Variants in CEP112 observed in about 807,000 individuals in gnomAD.
CEP112 encodes the protein centrosomal protein 112.
Under a neutral mutation model 153.0 loss-of-function variants are expected in CEP112, and 127 were observed. That is an observed-to-expected ratio of 0.83 (90% CI 0.72 to 0.96). The LOEUF (loss-of-function observed/expected upper bound fraction) is 0.96, where lower values mean the gene tolerates loss of function less well. Among genes scored for constraint, CEP112 ranks in the 40% least tolerant of loss-of-function variants. CEP112 has a pLI of 0.00. For missense variants in CEP112, 1,089 were observed against 1,101.2 expected (o/e 0.99, Z 0.16); for synonymous variants, 358 against 374.4 (o/e 0.96, Z 0.51).
intron 19 of CEP112, among the ~76,000 whole-genome samples, chr17:65,910,362 A>C (rs773216400): frequency 2.0e-5 from 3 of 152,160 alleles, no homozygotes; most frequent in African/African-American, 4.8e-5. Context: ...TGCCCACGTT[A>C]AGCCCAAGCA....
chr17:65,805,998 A>G (rs2055575915), intron 21 of CEP112, among the ~76,000 whole-genome samples: 1 of 152,188 alleles, frequency 6.6e-6, no homozygotes, highest in Non-Finnish European at 1.5e-5. Flanking sequence ...AAAATATTTT[A>G]TTATTTTGTC....
chr17:65,774,399 A>G (rs893219244), intron 21 of CEP112, among the ~76,000 whole-genome samples: 2 of 152,142 alleles, frequency 1.3e-5, no homozygotes, highest in African/African-American at 4.8e-5. Flanking sequence ...CAGACAGGTC[A>G]GGAGAGGTGA....
intron 21 of CEP112, among the ~76,000 whole-genome samples, chr17:65,800,634 G>C (rs1171247205): frequency 6.6e-6 from 1 of 152,166 alleles, no homozygotes; most frequent in South Asian, 2.1e-4. Flanking sequence ...CCCTAGGAGA[G>C]GAAATGCTGG....
chr17:65,927,705 A>G lies in CEP112; in HGVS notation c.1873-16T>C, dbSNP rs780794797. On this transcript the variant is annotated splice_polypyrimidine_tract_variant and intron_variant, in intron 18 of 26. Transcript: ENST00000535342. Reference sequence around the variant, plus strand: ...CTTTTTCCATCTATAAAATTTAAAAATCAAATATTAATTTTTTAAACAAAC... The same window carrying G: ...CTTTTTCCATCTATAAAATTTAAAAGTCAAATATTAATTTTTTAAACAAAC... 2 of 1,445,526 alleles carry G rather than the reference A, an allele frequency of 1.4e-6. No individual in the cohort carries two copies. Among genetic ancestry groups the G allele is most frequent in the South Asian group, 1.4e-5 (1 of 73,940 alleles). 89.5% of individuals were successfully genotyped at this position (1,445,526 alleles called of 1,614,324 possible).
intron 4 of CEP112, among the ~76,000 whole-genome samples, chr17:66,133,170 T>C (rs1385543100): frequency 6.6e-6 from 1 of 152,154 alleles, no homozygotes; most frequent in Non-Finnish European, 1.5e-5. Flanking sequence ...GTTACATAAA[T>C]GCCACAGACT....
chr17:66,054,420 T>C (rs1040541186), intron 11 of CEP112, among the ~76,000 whole-genome samples: 1 of 152,062 alleles, frequency 6.6e-6, no homozygotes, highest in Non-Finnish European at 1.5e-5. Context: ...ACAATATGGG[T>C]AGGATGACTA....
chr17:65,667,547 AT>A (rs1317310057), intron 24 of CEP112, among the ~76,000 whole-genome samples: 1 of 135,610 alleles, frequency 7.4e-6, no homozygotes. Context: ...TTTTAACAAC[AT>A]TTGTACTCTT....
intron 25 of CEP112, among the ~76,000 whole-genome samples, chr17:65,638,358 T>C (rs909675622): frequency 6.6e-6 from 1 of 152,252 alleles, no homozygotes; most frequent in African/African-American, 2.4e-5. Flanking sequence ...GAGTCAGTGG[T>C]ATTTGATCGT....
chr17:65,713,953 TTCTC>T (rs2049347954), intron 23 of CEP112, among the ~76,000 whole-genome samples: 2 of 152,174 alleles, frequency 1.3e-5, no homozygotes, highest in Non-Finnish European at 2.9e-5. Context: ...AAGCCACCTC[TTCTC>T]TCTCGGTCTG....
intron 8 of CEP112, among the ~76,000 whole-genome samples, chr17:66,078,446 C>CG (rs1301137582): frequency 6.6e-6 from 1 of 151,738 alleles, no homozygotes; most frequent in Non-Finnish European, 1.5e-5. Flanking sequence ...TTAGTAGAGA[C>CG]GGGGTTTCAT....
intron 4 of CEP112, among the ~76,000 whole-genome samples, chr17:66,154,373 G>A (rs2071343359): frequency 6.6e-6 from 1 of 151,602 alleles, no homozygotes; most frequent in Admixed American, 6.6e-5. Flanking sequence ...AAATTAGCTG[G>A]GTGTGGGGGG....
At chr17:65,821,484 TTATATATATAATTATATA>T (rs1342732785) in intron 21 of CEP112, among the ~76,000 whole-genome samples, 26 of 130,126 alleles carry the variant, frequency 2.0e-4, no homozygotes, top group African/African-American at 6.7e-4. Context: ...ATTATTAAAC[TTATATATATAATTATATA>T]TATATATATA....
intron 21 of CEP112, among the ~76,000 whole-genome samples, chr17:65,760,704 T>A (rs2052560678): frequency 6.6e-6 from 1 of 151,666 alleles, no homozygotes; most frequent in Non-Finnish European, 1.5e-5. Context: ...GGTTAATAGA[T>A]TTTTTTTCTT....
At chr17:65,711,189 T>C (rs1165197057) in intron 23 of CEP112, among the ~76,000 whole-genome samples, 2 of 152,182 alleles carry the variant, frequency 1.3e-5, no homozygotes, top group South Asian at 2.1e-4. Context: ...ATACGATCAA[T>C]TGAGTTTCTA....
chr17:65,750,889 A>G, intron 21 of CEP112, 165 bp from the exon 22 acceptor site: 1 of 522,318 alleles, frequency 1.9e-6, no homozygotes, highest in Non-Finnish European at 3.4e-6. Context: ...ACTATTCATC[A>G]CTTAAAAAGC....
intron 18 of CEP112, among the ~76,000 whole-genome samples, chr17:65,949,612 G>T (rs1249871200): frequency 1.3e-5 from 2 of 152,134 alleles, no homozygotes; most frequent in South Asian, 4.1e-4. Context: ...AGAAACACAT[G>T]AACTCTTAGA....
intron 21 of CEP112, among the ~76,000 whole-genome samples, chr17:65,759,993 G>T (rs536705998): frequency 6.6e-6 from 1 of 152,248 alleles, no homozygotes; most frequent in East Asian, 1.9e-4. Flanking sequence ...TATTATAGAC[G>T]TATACCTAAG....
intron 17 of CEP112, among the ~76,000 whole-genome samples, chr17:65,984,607 G>C (rs1357659186): frequency 6.6e-6 from 1 of 151,852 alleles, no homozygotes; most frequent in Admixed American, 6.6e-5. Flanking sequence ...ATGAAAGAAA[G>C]GAATGGCTTA....
At chr17:65,855,407 C>A (rs1475636157) in intron 20 of CEP112, among the ~76,000 whole-genome samples, 1 of 152,190 alleles carries the variant, frequency 6.6e-6, no homozygotes, top group East Asian at 1.9e-4. Flanking sequence ...CTTCCAAAGG[C>A]TTCCCTCCAA....
Sources: gnomAD v4.1 joint callset for allele counts (sites outside exome capture counted in the v4.1 genomes callset) on GRCh38, gnomAD v4.1.1 for gene constraint, MANE v1.5 for transcripts, NCBI Gene and HGNC (gene_info 2026-07-23, HGNC 2026-07-21) for gene names.